The following NDUFAF6 variants were observed in gnomAD, a reference collection of about 807,000 sequenced individuals.
NDUFAF6 encodes the protein NADH dehydrogenase (ubiquinone) complex I, assembly factor 6.
Under a neutral mutation model 40.8 loss-of-function variants are expected in NDUFAF6, and 45 were observed. The observed-to-expected ratio is 1.10, with a 90% CI of 0.87 to 1.42. The LOEUF (loss-of-function observed/expected upper bound fraction) is 1.42, where lower values mean the gene tolerates loss of function less well. Ranked by LOEUF, NDUFAF6 falls within the 40% of genes most tolerant of loss-of-function variation. The pLI is 0.00. For missense variants in NDUFAF6, 435 were observed against 418.5 expected (o/e 1.04, Z -0.34); for synonymous variants, 185 against 155.9 (o/e 1.19, Z -1.39).
intron 1 of NDUFAF6, among the ~76,000 whole-genome samples, chr8:94,924,329 G>A (rs138471004): frequency 5.5e-4 from 83 of 152,196 alleles, no homozygotes; most frequent in African/African-American, 1.9e-3. Flanking sequence ...CAAAATGCTG[G>A]GATTACAGGC....
At chr8:95,061,726 TAA>T (rs537233552), downstream of NDUFAF6, among the ~76,000 whole-genome samples, 8 of 152,308 alleles carry the variant, frequency 5.3e-5, no homozygotes, top group South Asian at 1.7e-3. Flanking sequence ...ATATAGTAGT[TAA>T]GAGTTTGTTC....
In NDUFAF6 at chr8:94,998,189, T is replaced by C. The variant is rs538372263; in HGVS notation, c.-84+17216T>C. Among the ~76,000 whole-genome samples the C allele has an allele frequency of 2.0e-5, 3 of 152,360 alleles. No individual in the cohort carries two copies. In the South Asian group the frequency reaches 6.2e-4, roughly 32 times the overall value. On this transcript the variant is annotated intron_variant, in intron 2 of 9. Coordinates refer to the NDUFAF6 transcript ENST00000396111. Reference sequence around the variant, plus strand: ...AGCCATAAATCTTGTCTTTCTTATATTCTTTGCCTATAAAATATTTTGGAG... The same window carrying C: ...AGCCATAAATCTTGTCTTTCTTATACTCTTTGCCTATAAAATATTTTGGAG...
chr8:95,090,858 C>T (rs1230741400), intron 2 of NDUFAF6, among the ~76,000 whole-genome samples: 1 of 152,118 alleles, frequency 6.6e-6, no homozygotes, highest in Non-Finnish European at 1.5e-5. Flanking sequence ...CATCCCAGCC[C>T]ACATTTTTCT....
At chr8:94,972,907 TAATA>T (rs972286333) in intron 1 of NDUFAF6, among the ~76,000 whole-genome samples, 9 of 151,262 alleles carry the variant, frequency 5.9e-5, no homozygotes, top group African/African-American at 1.5e-4. Context: ...CAAAAATAAA[TAATA>T]AATAAATATT....
At chr8:95,098,649 G>A (rs922561612), upstream of NDUFAF6, among the ~76,000 whole-genome samples, 1 of 152,172 alleles carries the variant, frequency 6.6e-6, no homozygotes, top group African/African-American at 2.4e-5. Flanking sequence ...CAGCCTGGGC[G>A]ACAAGAACGA....
At chr8:94,981,640 G>T (rs1203060277) in intron 2 of NDUFAF6, among the ~76,000 whole-genome samples, 1 of 152,054 alleles carries the variant, frequency 6.6e-6, no homozygotes, top group East Asian at 1.9e-4. Context: ...GTAAAATTAT[G>T]TTTTTAGACA....
chr8:94,915,466 A>G (rs951938200), intron 1 of NDUFAF6, among the ~76,000 whole-genome samples: 10 of 152,026 alleles, frequency 6.6e-5, no homozygotes, highest in Middle Eastern at 6.3e-3. Context: ...AATCCAGTCC[A>G]CTTTTGACGG....
chr8:95,032,208 C>G lies in NDUFAF6; in HGVS notation c.297+114C>G, dbSNP rs1025535193. 113 of 894,228 alleles carry G rather than the reference C, an allele frequency of 1.3e-4. No individual in the cohort carries two copies. In the East Asian group the frequency reaches 2.9e-3, roughly 23 times the overall value. 55.4% of individuals were successfully genotyped at this position (894,228 alleles called of 1,614,324 possible). On this transcript the variant is annotated intron_variant, in intron 2 of 8. Transcript: ENST00000396124. Reference sequence around the variant, plus strand: ...TATATGTTAGATGTGTTTAAGGTCTCTGCTAGTGATTTCTTTTCCCTGCTA... The same window carrying G: ...TATATGTTAGATGTGTTTAAGGTCTGTGCTAGTGATTTCTTTTCCCTGCTA...
intron 3 of NDUFAF6, chr8:95,036,464 G>A (rs1218905897): frequency 3.9e-6 from 5 of 1,289,240 alleles, no homozygotes; most frequent in Admixed American, 4.6e-5. Flanking sequence ...CCCCCAACTG[G>A]GGATTGAGAA....
At chr8:95,050,044 A>G (rs1327545614) in intron 7 of NDUFAF6, among the ~76,000 whole-genome samples, 1 of 152,238 alleles carries the variant, frequency 6.6e-6, no homozygotes, top group Non-Finnish European at 1.5e-5. Flanking sequence ...AGAGGTATAG[A>G]TAAAATACAT....
intron 2 of NDUFAF6, among the ~76,000 whole-genome samples, chr8:95,083,589 G>A (rs1241880304): frequency 6.6e-6 from 1 of 152,106 alleles, no homozygotes; most frequent in Non-Finnish European, 1.5e-5. Context: ...GATAAAATAA[G>A]CAGGATTAAA....
At chr8:94,962,844 G>A (rs896326674) in intron 1 of NDUFAF6, among the ~76,000 whole-genome samples, 1 of 147,348 alleles carries the variant, frequency 6.8e-6, no homozygotes, top group African/African-American at 2.5e-5. Flanking sequence ...AGGCTGGAAT[G>A]CAGTGACGTG....
At chr8:94,919,289 C>T (rs1328661574) in intron 1 of NDUFAF6, among the ~76,000 whole-genome samples, 2 of 152,196 alleles carry the variant, frequency 1.3e-5, no homozygotes, top group Admixed American at 6.5e-5. Flanking sequence ...TCAACCAGTC[C>T]TCCCACCTCA....
chr8:94,971,448 A>G (rs147903969), intron 1 of NDUFAF6, among the ~76,000 whole-genome samples: 1 of 152,194 alleles, frequency 6.6e-6, no homozygotes, highest in Non-Finnish European at 1.5e-5. Flanking sequence ...GTGACTCCAG[A>G]TGGATCATTG....
chr8:94,907,730 C>T (rs1280600795), intron 1 of NDUFAF6, among the ~76,000 whole-genome samples: 1 of 152,216 alleles, frequency 6.6e-6, no homozygotes. Context: ...AACTTTGTCT[C>T]ATAATTTTCA....
chr8:95,028,394 G>A (rs1168175855), intron 1 of NDUFAF6, among the ~76,000 whole-genome samples: 2 of 152,196 alleles, frequency 1.3e-5, no homozygotes, highest in Non-Finnish European at 2.9e-5. Context: ...TATATCCATA[G>A]TTCAATAATT....
chr8:94,954,842 C>T (rs994006956), upstream of NDUFAF6, among the ~76,000 whole-genome samples: 6 of 152,178 alleles, frequency 3.9e-5, no homozygotes, highest in Non-Finnish European at 8.8e-5. Flanking sequence ...CCAACACTTC[C>T]AGAAAGGCCC....
chr8:95,090,482 T>G (rs1809211115), intron 2 of NDUFAF6, among the ~76,000 whole-genome samples: 1 of 152,186 alleles, frequency 6.6e-6, no homozygotes, highest in Non-Finnish European at 1.5e-5. Flanking sequence ...CTTGGAGACT[T>G]GAGATTCTTT....
intron 1 of NDUFAF6, among the ~76,000 whole-genome samples, chr8:94,965,615 T>G (rs1223583440): frequency 6.6e-6 from 1 of 151,986 alleles, no homozygotes; most frequent in Non-Finnish European, 1.5e-5. Context: ...GCAATGGAGG[T>G]AGGAAAGCGA....
Sources: gnomAD v4.1 joint callset for allele counts (sites outside exome capture counted in the v4.1 genomes callset) on GRCh38, gnomAD v4.1.1 for gene constraint, MANE v1.5 for transcripts, NCBI Gene and HGNC (gene_info 2026-07-23, HGNC 2026-07-21) for gene names.